The following ENDOD1 variants were observed in gnomAD, a reference collection of about 807,000 sequenced individuals.
ENDOD1 encodes endonuclease domain containing 1.
A neutral mutation model predicts 6.5 loss-of-function variants in ENDOD1; 9 were observed. The observed-to-expected ratio is 1.39, with a 90% CI of 0.84 to 2.43. The LOEUF (loss-of-function observed/expected upper bound fraction) is 2.43. ENDOD1 is among the 30% of genes most tolerant of loss of function. ENDOD1 has a pLI of 0.00. For missense variants in ENDOD1, 648 were observed against 635.5 expected (o/e 1.02, Z -0.21); for synonymous variants, 255 against 255.2 (o/e 1.00, Z 0.01).
At chr11:95,127,663 G>T (rs1461780170) in intron 1 of ENDOD1, among the ~76,000 whole-genome samples, 5 of 151,620 alleles carry the variant, frequency 3.3e-5, no homozygotes, top group Non-Finnish European at 7.4e-5. Context: ...TTATGGGCCT[G>T]TTGAGATCTA....
In ENDOD1 at chr11:95,089,960, C is replaced by A; in HGVS notation, c.33C>A (p.Ser11Arg). The change falls in exon 1 of 2, where the codon AGC (serine) becomes AGA (arginine). Residue 11 changes from serine to arginine, a missense_variant. Physicochemically the swap from Ser to Arg is moderately radical, Grantham distance 110 (BLOSUM62 -1). Transcript: ENST00000278505. ...CCGCGCGCTGGCTCGCGCTGGGCAG[C>A]CTCTTCGCCCTGGCTGGGCTGCTGG... is the stretch of plus-strand genomic sequence containing the variant. MGTARWLALGSLFALAGLLEG... is the reference protein window; with the variant it reads MGTARWLALGRLFALAGLLEG... The A allele has an allele frequency of 1.3e-6, 2 of 1,509,354 alleles. No homozygotes were observed. Among genetic ancestry groups the A allele is most frequent in the East Asian group, 2.8e-5 (1 of 35,876 alleles). 93.5% of individuals were successfully genotyped at this position (1,509,354 alleles called of 1,614,324 possible).
intron 1 of ENDOD1, among the ~76,000 whole-genome samples, chr11:95,096,340 A>G (rs1393669361): frequency 7.0e-6 from 1 of 143,496 alleles, no homozygotes; most frequent in Non-Finnish European, 1.5e-5. Context: ...TGTCATAGTA[A>G]TAATTCATTG....
chr11:95,123,714 A>G (rs193192004), intron 1 of ENDOD1, among the ~76,000 whole-genome samples: 2 of 152,228 alleles, frequency 1.3e-5, no homozygotes, highest in African/African-American at 4.8e-5. Context: ...TGGAGAAAAC[A>G]TCTGGTCAAC....
chr11:95,117,838 T>C (rs1591017852), intron 1 of ENDOD1, among the ~76,000 whole-genome samples: 1 of 152,180 alleles, frequency 6.6e-6, no homozygotes, highest in Admixed American at 6.5e-5. Context: ...CTTTCTTCTT[T>C]CCTTTCTTCC....
chr11:95,125,198 A>G (rs1259384680), intron 1 of ENDOD1, among the ~76,000 whole-genome samples: 1 of 152,130 alleles, frequency 6.6e-6, no homozygotes, highest in Non-Finnish European at 1.5e-5. Context: ...TTCAAAAACA[A>G]TCTTTAGATT....
intron 1 of ENDOD1, among the ~76,000 whole-genome samples, chr11:95,094,196 AT>A (rs1555110106): frequency 6.6e-6 from 1 of 150,492 alleles, no homozygotes; most frequent in Non-Finnish European, 1.5e-5. Context: ...AATAGTGTAT[AT>A]TTGTTCAATC....
At chr11:95,126,884 C>T (rs1859317343) in intron 1 of ENDOD1, among the ~76,000 whole-genome samples, 1 of 152,124 alleles carries the variant, frequency 6.6e-6, no homozygotes, top group South Asian at 2.1e-4. Flanking sequence ...TGGGGTTTCG[C>T]CATGTTGCCC....
At chr11:95,116,896 C>T (rs1242966164) in intron 1 of ENDOD1, among the ~76,000 whole-genome samples, 9 of 152,202 alleles carry the variant, frequency 5.9e-5, no homozygotes, top group East Asian at 3.9e-4. Context: ...ATATGTTTTG[C>T]GACCTATCAC....
intron 1 of ENDOD1, among the ~76,000 whole-genome samples, chr11:95,095,090 A>T (rs1858971058): frequency 6.6e-6 from 1 of 152,234 alleles, no homozygotes; most frequent in Admixed American, 6.5e-5. Flanking sequence ...GTTGGATTAG[A>T]TAGGTGACAT....
At chr11:95,096,227 C>CTT (rs10660230) in intron 1 of ENDOD1, among the ~76,000 whole-genome samples, 4,810 of 49,916 alleles carry the variant, frequency 0.096, 1,727 homozygotes, top group African/African-American at 0.19. Context: ...GTCAAGAAAG[C>CTT]TTTTTTTTTT....
At chr11:95,113,847 G>C (rs58725292) in intron 1 of ENDOD1, among the ~76,000 whole-genome samples, 8,718 of 152,190 alleles carry the variant, frequency 0.057, 328 homozygotes, top group African/African-American at 0.1. Context: ...GAGAACCAAA[G>C]TGTTCTCCAT....
At chr11:95,122,911 G>A (rs981734769) in intron 1 of ENDOD1, among the ~76,000 whole-genome samples, 2 of 152,092 alleles carry the variant, frequency 1.3e-5, no homozygotes, top group Admixed American at 6.5e-5. Context: ...CCTAGGGGCC[G>A]GGCGCCATGG....
In ENDOD1 at chr11:95,128,164, A is replaced by G. The variant is rs143508653; in HGVS notation, c.301-213A>G. Among the ~76,000 whole-genome samples, 513 of 152,360 alleles carry G rather than the reference A, an allele frequency of 3.4e-3. 4 individuals carry two copies. Among genetic ancestry groups the G allele is most frequent in the African/African-American group, 0.012 (485 of 41,586 alleles). On this transcript the variant is annotated intron_variant, in intron 1 of 1. Coordinates refer to ENST00000278505, the MANE Select transcript of ENDOD1 (RefSeq NM_015036.3). ...GTGGGATAAACACAGGTAATAGACTAGGAAACAGCCTATCTGAAAGATGCT... is the reference window on the plus strand; with the variant it reads ...GTGGGATAAACACAGGTAATAGACTGGGAAACAGCCTATCTGAAAGATGCT...
chr11:95,115,876 T>C (rs1469346808), intron 1 of ENDOD1, among the ~76,000 whole-genome samples: 5 of 152,186 alleles, frequency 3.3e-5, no homozygotes, highest in Admixed American at 3.3e-4. Flanking sequence ...TAATGTATTA[T>C]TGAATTTGGC....
chr11:95,113,702 A>G (rs1169472528), intron 1 of ENDOD1, among the ~76,000 whole-genome samples: 3 of 152,192 alleles, frequency 2.0e-5, no homozygotes, highest in Non-Finnish European at 4.4e-5. Flanking sequence ...CAGTGCTGCA[A>G]CAAACACGGA....
chr11:95,118,074 C>G (rs1488949153), intron 1 of ENDOD1, among the ~76,000 whole-genome samples: 1 of 152,268 alleles, frequency 6.6e-6, no homozygotes, highest in South Asian at 2.1e-4. Context: ...TTGATTCCCC[C>G]ACTTTTTCAC....
rs566497924 is a variant in ENDOD1, at chr11:95,106,803, G to A, written c.300+16576G>A. On this transcript the variant is annotated intron_variant, in intron 1 of 1. Coordinates refer to ENST00000278505, the MANE Select transcript of ENDOD1 (RefSeq NM_015036.3). ...AAATGATTTAAACATTTGTTTTTCA[G>A]CGTGAGGTTCATAGACACCCCCCCC... 1.2e-4 allele frequency among the ~76,000 whole-genome samples: 17 copies of A among 147,252 alleles called. 1 individual carries two copies. Among genetic ancestry groups the A allele is most frequent in the African/African-American group, 4.5e-4 (17 of 37,798 alleles).
At position 95,098,772 on chromosome 11, in the gene ENDOD1, G is replaced by A. The variant is rs75098296; in HGVS notation, c.300+8545G>A. ...GGTACTATTATTATCCTTCTTAGAG[G>A]AGGAAACAGGCCCAGAGAGGTTAAA... On this transcript the variant is annotated intron_variant, in intron 1 of 1. Coordinates refer to ENST00000278505, the MANE Select transcript of ENDOD1 (RefSeq NM_015036.3). Among the ~76,000 whole-genome samples the A allele has an allele frequency of 4.4e-3, 662 of 152,088 alleles. 3 individuals are homozygous for A. Among genetic ancestry groups the A allele is most frequent in the Middle Eastern group, 0.017 (5 of 292 alleles).
intron 1 of ENDOD1, among the ~76,000 whole-genome samples, chr11:95,121,920 G>A (rs1282712534): frequency 6.6e-6 from 1 of 152,178 alleles, no homozygotes; most frequent in African/African-American, 2.4e-5. Flanking sequence ...ATAAGACAGA[G>A]CTTTGTGTGT....
Sources: gnomAD v4.1 joint callset for allele counts (sites outside exome capture counted in the v4.1 genomes callset) on GRCh38, gnomAD v4.1.1 for gene constraint, MANE v1.5 for transcripts, NCBI Gene and HGNC (gene_info 2026-07-23, HGNC 2026-07-21) for gene names.